The following VWF variants were observed in gnomAD, a reference collection of about 807,000 sequenced individuals.
VWF encodes the protein Factor VIII related antigen.
VWF carries 176 observed loss-of-function variants against 308.6 expected under a neutral mutation model. The ratio of observed to expected loss-of-function variants is 0.57; its 90% CI spans 0.50 to 0.65. The LOEUF (loss-of-function observed/expected upper bound fraction) is 0.65. Among genes scored for constraint, VWF ranks in the 30% least tolerant of loss-of-function variants. VWF has a pLI of 0.00. For synonymous variants in VWF, 1,385 were observed against 1,443.4 expected, an observed-to-expected ratio of 0.96 and a Z score of 0.92; for missense variants, 3,146 against 3,648.2, an observed-to-expected ratio of 0.86 and a Z score of 3.55.
intron 34 of VWF, among the ~76,000 whole-genome samples, chr12:6,005,771 T>C (rs1013375012): frequency 6.6e-6 from 1 of 152,152 alleles, no homozygotes; most frequent in Non-Finnish European, 1.5e-5. Flanking sequence ...CAAAACTGTC[T>C]TTCAAAAATA....
At chr12:6,097,090 G>A (rs998545694) in intron 5 of VWF, among the ~76,000 whole-genome samples, 6 of 152,162 alleles carry the variant, frequency 3.9e-5, no homozygotes, top group African/African-American at 1.2e-4. Flanking sequence ...GAGAGGAAGA[G>A]TTTCTCTTGG....
At position 6,011,653 on chromosome 12, in the gene VWF, C is replaced by T. The variant is rs756689204; in HGVS notation, c.5806G>A (p.Val1936Met). 6.2e-7 allele frequency: 1 copy of T among 1,613,232 alleles called. No individual in the cohort carries two copies. The highest frequency in any genetic ancestry group is 1.1e-5 in the South Asian group (1 of 90,878). Reference protein sequence around the residue: ...SCPNSQSPVKVEETCGCRWTC... With the variant: ...SCPNSQSPVKMEETCGCRWTC... ...CAGCGGCAGCCACAGGTCTCTTCCA[C>T]TTTAACAGGGGACTGGCTGTTAGGG... Residue 1936 changes from valine to methionine, a missense_variant, in exon 34 of 52, where the codon GTG (valine) becomes ATG (methionine). Transcript: ENST00000261405.
intron 1 of VWF, among the ~76,000 whole-genome samples, chr12:6,123,580 G>C (rs972079424): frequency 6.6e-6 from 1 of 152,140 alleles, no homozygotes; most frequent in Non-Finnish European, 1.5e-5. Context: ...TGGCGAGTAG[G>C]AACCGTCTTA....
intron 50 of VWF, among the ~76,000 whole-genome samples, chr12:5,950,966 G>T (rs557142226): frequency 3.9e-5 from 6 of 152,268 alleles, no homozygotes; most frequent in African/African-American, 1.2e-4. Flanking sequence ...TACAGCAATT[G>T]CAGGGGCTGT....
intron 47 of VWF, among the ~76,000 whole-genome samples, chr12:5,967,075 C>T (rs1010692082): frequency 8.5e-5 from 13 of 152,298 alleles, no homozygotes; most frequent in Admixed American, 2.6e-4. Context: ...GTTGTATACA[C>T]GAGGCACATC....
At chr12:6,000,885 TAACAA>T (rs1390690987) in intron 34 of VWF, among the ~76,000 whole-genome samples, 2 of 151,550 alleles carry the variant, frequency 1.3e-5, no homozygotes, top group African/African-American at 2.4e-5. Context: ...TAGGAAATGT[TAACAA>T]AACAACTAAA....
chr12:6,009,868 AG>A (rs1464102210), intron 34 of VWF, among the ~76,000 whole-genome samples: 1 of 152,250 alleles, frequency 6.6e-6, no homozygotes, highest in Non-Finnish European at 1.5e-5. Context: ...AAGTGAAATG[AG>A]CCAGTCACAG....
intron 42 of VWF, among the ~76,000 whole-genome samples, chr12:5,979,619 G>T (rs11838266): frequency 6.6e-6 from 1 of 151,590 alleles, no homozygotes; most frequent in East Asian, 1.9e-4. Flanking sequence ...GTGTGGTGGT[G>T]TGCGCCTGCA....
rs61753994 is a variant in VWF at position 6,110,457 on chromosome 12, A to G, written c.449T>C (p.Leu150Pro). The change falls in exon 5 of 52, where the codon CTG becomes CCG. Residue 150 changes from leucine (L) to proline (P), a missense_variant. Physicochemically the swap from Leu to Pro is moderately conservative, Grantham distance 98. This residue lies in a region of VWF where 1,304 missense variants were observed against 1,353.0 expected (regional missense o/e 0.96). Transcript: ENST00000261405. ...IDGSGNFQVL[L>P]SDRYFNKTCG... ...GGTCTTGTTGAAGTATCTGTCTGAC[A>G]GCAGGACTTGAAAGTTGCCGCTGCC... is the stretch of plus-strand genomic sequence containing the variant. 2 of 1,614,236 alleles carry G rather than the reference A, an allele frequency of 1.2e-6. No homozygotes were observed. Among genetic ancestry groups the G allele is most frequent in the Non-Finnish European group, 1.7e-6 (2 of 1,180,046 alleles).
At chr12:5,972,067 G>A (rs984073633) in intron 43 of VWF, among the ~76,000 whole-genome samples, 1 of 152,194 alleles carries the variant, frequency 6.6e-6, no homozygotes, top group Non-Finnish European at 1.5e-5. Flanking sequence ...CTGACCGGGA[G>A]GCACACTCAG....
At chr12:6,010,540 T>A (rs1943982160) in intron 34 of VWF, among the ~76,000 whole-genome samples, 1 of 152,226 alleles carries the variant, frequency 6.6e-6, no homozygotes, top group South Asian at 2.1e-4. Flanking sequence ...TCCAACCATA[T>A]GAAAATTCGT....
intron 3 of VWF, among the ~76,000 whole-genome samples, chr12:6,117,387 C>T (rs958688817): frequency 3.3e-5 from 5 of 152,140 alleles, no homozygotes; most frequent in African/African-American, 1.2e-4. Context: ...GGAGTTGAAA[C>T]TCAAGTGACC....
rs2136354943 is a variant in VWF, at chr12:5,968,143, T to C, written c.7754A>G (p.Asn2585Ser). 1.2e-6 allele frequency: 2 copies of C among 1,614,088 alleles called. No homozygotes were observed. The highest frequency in any genetic ancestry group is 1.3e-5 in the African/African-American group (1 of 75,036). Residue 2585 changes from asparagine (N) to serine (S), a missense_variant, in exon 46 of 52, where the codon AAT (asparagine) becomes AGT (serine). By Grantham distance (46) the Asn-to-Ser change is conservative. Transcript: ENST00000261405. ...GCGGCTCACCCCAATGACAGTGCCA[T>C]TGAGCATGCAGGCCTCCATGCGCTC... ...RCERMEACML[N>S]GTVIGPGKTV...
rs1943420371 is a variant in VWF, at chr12:5,967,700, C to T, written c.7771-98G>A. ...GTCTCCTGCCCACCCACCCATAGCT[C>T]CCATGAGCCATCGCTCTGCTGCTCC... On this transcript the variant is annotated intron_variant, in intron 46 of 51. Transcript: ENST00000261405. 12 of 1,075,170 alleles carry T rather than the reference C, an allele frequency of 1.1e-5. No individual in the cohort carries two copies. The Admixed American group carries it at 2.0e-4, about 18-fold the overall frequency. The allele number at this position is 1,075,170 out of a possible 1,614,324, so 66.6% of individuals were successfully genotyped here.
rs576060159 is a variant in VWF, at chr12:6,008,575, G to C, written c.5842+3042C>G. On this transcript the variant is annotated intron_variant, in intron 34 of 51. Transcript: ENST00000261405. ...ACCACAGCTAACATCACACCGAATA[G>C]TGCAAAACTAAAAGCTTTTCCTCTA... 2.0e-3 allele frequency among the ~76,000 whole-genome samples: 299 copies of C among 152,182 alleles called. 1 individual carries two copies. Among genetic ancestry groups the C allele is most frequent in the African/African-American group, 6.7e-3 (278 of 41,510 alleles).
chr12:6,092,386 A>G (rs1316679911), intron 6 of VWF, among the ~76,000 whole-genome samples: 2 of 150,416 alleles, frequency 1.3e-5, no homozygotes, highest in South Asian at 2.1e-4. Flanking sequence ...ATTTTCACCC[A>G]GGCTGGAGTG....
At chr12:6,009,263 C>T (rs1943965645) in intron 34 of VWF, among the ~76,000 whole-genome samples, 2 of 147,038 alleles carry the variant, frequency 1.4e-5, no homozygotes, top group East Asian at 2.0e-4. Context: ...ATGCAAATAA[C>T]CCAATTTAAA....
At chr12:5,996,637 A>G (rs1022643281) in intron 34 of VWF, among the ~76,000 whole-genome samples, 3 of 152,026 alleles carry the variant, frequency 2.0e-5, no homozygotes, top group Non-Finnish European at 2.9e-5. Context: ...TTGTAAAGAA[A>G]ATTCACCTAA....
At chr12:6,035,293 C>T (rs976719157) in intron 19 of VWF, among the ~76,000 whole-genome samples, 26 of 152,302 alleles carry the variant, frequency 1.7e-4, no homozygotes, top group African/African-American at 3.9e-4. Context: ...TGATGAAGTA[C>T]GCACTTCTGC....
Sources: gnomAD v4.1 joint callset for allele counts (sites outside exome capture counted in the v4.1 genomes callset) on GRCh38, gnomAD v4.1.1 for gene constraint, gnomAD v4.1.1 regional missense constraint, MANE v1.5 for transcripts, NCBI Gene and HGNC (gene_info 2026-07-23, HGNC 2026-07-21) for gene names.